The following UNC13C variants were observed in gnomAD, a reference collection of about 807,000 sequenced individuals.
UNC13C encodes unc-13 homolog C, also known as protein unc-13 homolog C.
In UNC13C, 174 loss-of-function variants were observed where a neutral mutation model predicts 245.4. The observed-to-expected ratio is 0.71, with a 90% confidence interval of 0.63 to 0.80. The LOEUF (loss-of-function observed/expected upper bound fraction) is 0.80. Among genes scored for constraint, UNC13C ranks in the 30% least tolerant of loss-of-function variants. The probability of loss-of-function intolerance (pLI) is 0.00; values close to 1 mark genes in which losing one functional copy is unlikely to be tolerated. For missense variants in UNC13C, 2,829 were observed against 2,602.9 expected, an observed-to-expected ratio of 1.09 and a Z score of -1.89; for synonymous variants, 992 against 895.1, an observed-to-expected ratio of 1.11 and a Z score of -1.93.
intron 19 of UNC13C, among the ~76,000 whole-genome samples, chr15:54,471,311 G>T (rs1333172115): frequency 1.3e-5 from 2 of 151,592 alleles, no homozygotes; most frequent in African/African-American, 4.8e-5. Flanking sequence ...TCCCTACAAT[G>T]ATTGTGTTGC....
intron 10 of UNC13C, among the ~76,000 whole-genome samples, chr15:54,291,181 A>G (rs535173421): frequency 1.3e-5 from 2 of 152,092 alleles, no homozygotes; most frequent in East Asian, 1.9e-4. Flanking sequence ...GCTTGCTACA[A>G]TAATTTCAGG....
intron 1 of UNC13C, among the ~76,000 whole-genome samples, chr15:54,008,191 A>G (rs1670544856): frequency 6.6e-6 from 1 of 152,220 alleles, no homozygotes; most frequent in African/African-American, 2.4e-5. Context: ...TCTGCAAAAC[A>G]TATTTCCCAT....
chr15:54,447,032 G>T (rs1243756336), intron 19 of UNC13C, among the ~76,000 whole-genome samples: 1 of 152,152 alleles, frequency 6.6e-6, no homozygotes, highest in Non-Finnish European at 1.5e-5. Flanking sequence ...GGCCTTTTCT[G>T]CCTCTATTGA....
At chr15:54,027,693 A>G (rs916419394) in intron 2 of UNC13C, among the ~76,000 whole-genome samples, 3 of 151,940 alleles carry the variant, frequency 2.0e-5, no homozygotes, top group African/African-American at 4.8e-5. Flanking sequence ...TTCTGTCTCA[A>G]CAGATGGCAC....
chr15:53,947,092 T>C, the UNC13C span, among the ~76,000 whole-genome samples: 1 of 152,198 alleles, frequency 6.6e-6, no homozygotes, highest in Non-Finnish European at 1.5e-5. Context: ...AATATAAGTA[T>C]AAAACTTGAT....
At chr15:54,231,628 A>C (rs2035555857) in intron 4 of UNC13C, among the ~76,000 whole-genome samples, 1 of 152,128 alleles carries the variant, frequency 6.6e-6, no homozygotes, top group Non-Finnish European at 1.5e-5. Context: ...GTTGGGTACA[A>C]ATATTAGCAT....
chr15:54,560,853 C>G (rs1458439274), intron 29 of UNC13C, among the ~76,000 whole-genome samples: 1 of 151,946 alleles, frequency 6.6e-6, no homozygotes, highest in Non-Finnish European at 1.5e-5. Flanking sequence ...AAGAAAATTA[C>G]ATGAGTCATC....
rs1448220871 is a variant in UNC13C, at chr15:54,014,180, C to T, written c.1277C>T (p.Thr426Ile). Residue 426 changes from threonine to isoleucine, a missense_variant, in exon 2 of 33, where the codon ACA becomes ATA. By Grantham distance (89) the Thr-to-Ile change is moderately conservative. Coordinates refer to ENST00000260323, the MANE Select transcript of UNC13C (RefSeq NM_001080534.3). ...GAGAAAGGGATACCATCCTCCCAGA[C>T]ATATGAGAGCATGGCTATAAAGTTG... is the stretch of plus-strand genomic sequence containing the variant. ...RKEKGIPSSQ[T>I]YESMAIKLST... The T allele has an allele frequency of 9.9e-6, 16 of 1,613,734 alleles. No individual in the cohort carries two copies. Among genetic ancestry groups the T allele is most frequent in the Non-Finnish European group, 1.4e-5 (16 of 1,179,852 alleles).
chr15:54,276,690 G>C (rs1009821554), intron 10 of UNC13C, among the ~76,000 whole-genome samples: 1 of 152,030 alleles, frequency 6.6e-6, no homozygotes, highest in African/African-American at 2.4e-5. Flanking sequence ...TACTCATTGA[G>C]TTCTATATAA....
intron 30 of UNC13C, among the ~76,000 whole-genome samples, chr15:54,614,583 T>C (rs1900307946): frequency 6.6e-6 from 1 of 152,034 alleles, no homozygotes; most frequent in South Asian, 2.1e-4. Flanking sequence ...TTTGAAGTTT[T>C]GAAAATTACT....
chr15:53,849,385 G>A, the UNC13C span, among the ~76,000 whole-genome samples: 1 of 151,532 alleles, frequency 6.6e-6, no homozygotes, highest in East Asian at 1.9e-4. Flanking sequence ...ATTACTGTAA[G>A]GTCTACAATA....
chr15:54,246,698 T>C (rs757956471), intron 7 of UNC13C, among the ~76,000 whole-genome samples: 2 of 141,114 alleles, frequency 1.4e-5, no homozygotes, highest in Non-Finnish European at 3.0e-5. Context: ...GACTAGCAGC[T>C]GATGAGAACA....
At chr15:54,042,608 C>G (rs1335841369) in intron 2 of UNC13C, among the ~76,000 whole-genome samples, 2 of 152,096 alleles carry the variant, frequency 1.3e-5, no homozygotes, top group Admixed American at 6.5e-5. Context: ...AATCCCAGCA[C>G]TTTGGGAGGC....
intron 19 of UNC13C, among the ~76,000 whole-genome samples, chr15:54,427,535 A>C (rs2140969926): frequency 6.6e-6 from 1 of 151,900 alleles, no homozygotes; most frequent in Non-Finnish European, 1.5e-5. Context: ...AAAACTTACA[A>C]AAAAATTGAA....
At chr15:53,886,421 A>G in the UNC13C span, among the ~76,000 whole-genome samples, 2 of 152,156 alleles carry the variant, frequency 1.3e-5, no homozygotes, top group Admixed American at 6.5e-5. Context: ...GGCCAAAGCT[A>G]GAAAAAGGTG....
chr15:54,247,480 A>G (rs1467630352), intron 7 of UNC13C, among the ~76,000 whole-genome samples: 2 of 152,244 alleles, frequency 1.3e-5, no homozygotes, highest in East Asian at 1.9e-4. Flanking sequence ...CTAAACTATC[A>G]ACTCAACATA....
Position 54,074,240 on chromosome 15 carries a change from T to TG in UNC13C, c.2983+58354_2983+58355insG, listed in dbSNP as rs1898478738. On this transcript the variant is annotated intron_variant, in intron 2 of 32. Coordinates refer to ENST00000260323, the MANE Select transcript of UNC13C (RefSeq NM_001080534.3). ...CTGTTCTGTTCCATTGGTCTATATA[T>TG]CTGTTTTGGTACCACTACCATGCTG... 3.1e-5 allele frequency among the ~76,000 whole-genome samples: 3 copies of TG among 98,210 alleles called. No homozygotes were observed. The Admixed American group carries it at 3.9e-4, about 13-fold the overall frequency. The allele number at this position is 98,210 out of a possible 152,430, so 64.4% of individuals were successfully genotyped here.
intron 7 of UNC13C, among the ~76,000 whole-genome samples, chr15:54,241,942 T>G (rs191347926): frequency 1.3e-5 from 2 of 152,372 alleles, no homozygotes; most frequent in Admixed American, 1.3e-4. Context: ...TCTGTTATTC[T>G]TCATAAGCAC....
intron 2 of UNC13C, among the ~76,000 whole-genome samples, chr15:54,017,283 T>C (rs1468339169): frequency 6.6e-6 from 1 of 152,204 alleles, no homozygotes; most frequent in African/African-American, 2.4e-5. Flanking sequence ...GAGTGAAAAG[T>C]AGTCAAATGT....
Sources: gnomAD v4.1 joint callset for allele counts (sites outside exome capture counted in the v4.1 genomes callset) on GRCh38, gnomAD v4.1.1 for gene constraint, MANE v1.5 for transcripts, NCBI Gene and HGNC (gene_info 2026-07-23, HGNC 2026-07-21) for gene names.